Variants in SEPTIN9 observed in about 807,000 individuals in gnomAD.
SEPTIN9 encodes septin-9.
Under a neutral mutation model 56.6 loss-of-function variants are expected in SEPTIN9, and 13 were observed. The ratio of observed to expected loss-of-function variants is 0.23; its 90% CI spans 0.15 to 0.37. The LOEUF (loss-of-function observed/expected upper bound fraction) is 0.37, where lower values mean the gene tolerates loss of function less well. Among genes scored for constraint, SEPTIN9 ranks in the 10% least tolerant of loss-of-function variants. SEPTIN9 has a pLI of 1.00. For missense variants in SEPTIN9, 650 were observed against 823.1 expected, an observed-to-expected ratio of 0.79 and a Z score of 2.57; for synonymous variants, 332 against 334.1, an observed-to-expected ratio of 0.99 and a Z score of 0.07.
rs1162720148 is a variant in SEPTIN9, at chr17:77,313,111, C to A, written c.76+5914C>A. 3.9e-5 allele frequency among the ~76,000 whole-genome samples: 6 copies of A among 152,186 alleles called. No homozygotes were observed. The highest frequency in any genetic ancestry group is 4.4e-5 in the Non-Finnish European group (3 of 68,040). ...AGACACCCGCTCTCGGGGGAGTCTT[C>A]CGTTGGCTGCAGAGAAGCTTAAACT... On this transcript the variant is annotated intron_variant, in intron 2 of 11. Coordinates refer to ENST00000427177, the MANE Select transcript of SEPTIN9 (RefSeq NM_001113491.2). This position sits in a 1 kb window ranked among gnomAD's most constrained non-coding sequence, Gnocchi z 4.5.
intron 3 of SEPTIN9, among the ~76,000 whole-genome samples, chr17:77,412,441 A>G (rs1243761731): frequency 1.3e-5 from 2 of 152,094 alleles, no homozygotes; most frequent in African/African-American, 4.8e-5. Context: ...ATTTTTTAAA[A>G]AGAGTTCTTT....
chr17:77,386,049 C>T (rs577186357), intron 2 of SEPTIN9, among the ~76,000 whole-genome samples: 76 of 152,322 alleles, frequency 5.0e-4, no homozygotes, highest in Non-Finnish European at 7.6e-4. Flanking sequence ...AGGTCATCTG[C>T]CTGGCCCGGG....
intron 2 of SEPTIN9, among the ~76,000 whole-genome samples, chr17:77,388,084 C>A (rs1291237422): frequency 6.6e-6 from 1 of 152,174 alleles, no homozygotes; most frequent in African/African-American, 2.4e-5. Flanking sequence ...AAGTGTGGGG[C>A]CCCCTCGCTG....
intron 2 of SEPTIN9, among the ~76,000 whole-genome samples, chr17:77,383,862 A>T (rs368708615): frequency 6.6e-6 from 1 of 152,258 alleles, no homozygotes; most frequent in Non-Finnish European, 1.5e-5. Context: ...TGGGGGAGTC[A>T]TCAGCCTCTC....
chr17:77,349,082 A>C (rs2033976934), intron 2 of SEPTIN9, among the ~76,000 whole-genome samples: 1 of 151,926 alleles, frequency 6.6e-6, no homozygotes, highest in Admixed American at 6.6e-5. Flanking sequence ...TTTTGCTGTC[A>C]TTCTTTCTTT....
intron 2 of SEPTIN9, among the ~76,000 whole-genome samples, chr17:77,384,789 A>G (rs1317716594): frequency 2.0e-5 from 3 of 151,822 alleles, no homozygotes; most frequent in Non-Finnish European, 2.9e-5. Flanking sequence ...CCTCAGCCAC[A>G]TGGCGCCACA....
At chr17:77,477,601 C>A (rs151173152) in intron 3 of SEPTIN9, among the ~76,000 whole-genome samples, 1,597 of 152,246 alleles carry the variant, frequency 0.01, 23 homozygotes, top group African/African-American at 0.037. Flanking sequence ...GCACTAGGAG[C>A]TGGGGATATC....
chr17:77,368,600 T>C (rs897445706), intron 2 of SEPTIN9, among the ~76,000 whole-genome samples: 4 of 152,144 alleles, frequency 2.6e-5, no homozygotes, highest in African/African-American at 9.7e-5. Flanking sequence ...GCGTGAGCCA[T>C]GGTGGCTGGC....
chr17:77,402,527 A>G lies in SEPTIN9; in HGVS notation c.545A>G (p.Asp182Gly). The change falls in exon 3 of 12, where the codon GAC (aspartate) becomes GGC (glycine). Residue 182 changes from aspartate to glycine, a missense_variant. Coordinates refer to ENST00000427177, the MANE Select transcript of SEPTIN9 (RefSeq NM_001113491.2). The surrounding 1 kb of genome is among the most constrained non-coding windows in gnomAD (Gnocchi z 6.6). ...VPEVPTAPAT[D>G]AAPKRVEIQM... Reference sequence around the variant, plus strand: ...GAGGTGCCCACTGCCCCTGCCACCGACGCAGCCCCCAAGAGGGTGGAGATC... The same window carrying G: ...GAGGTGCCCACTGCCCCTGCCACCGGCGCAGCCCCCAAGAGGGTGGAGATC... 3.1e-6 allele frequency: 5 copies of G among 1,605,998 alleles called. No homozygotes were observed. Among genetic ancestry groups the G allele is most frequent in the Non-Finnish European group, 3.4e-6 (4 of 1,176,814 alleles).
chr17:77,460,725 G>A (rs1027076880), intron 3 of SEPTIN9, among the ~76,000 whole-genome samples: 3 of 152,168 alleles, frequency 2.0e-5, no homozygotes, highest in African/African-American at 7.2e-5. Context: ...GGATGTGGGG[G>A]CCTGCCAGGC....
At chr17:77,393,513 G>T (rs1418876467) in intron 2 of SEPTIN9, among the ~76,000 whole-genome samples, 2 of 152,180 alleles carry the variant, frequency 1.3e-5, no homozygotes, top group African/African-American at 4.8e-5. Context: ...ACACACCCAG[G>T]AGATGGTAAT....
At position 77,487,358 on chromosome 17, in the gene SEPTIN9, C is replaced by A. The variant is rs907128693; in HGVS notation, c.914-66C>A. On this transcript the variant is annotated intron_variant, in intron 4 of 11. Transcript: ENST00000427177. The surrounding 1 kb of genome is among the most constrained non-coding windows in gnomAD (Gnocchi z 4.3). ...GAGCCTCGTGCCTGGGTGGGAGGGG[C>A]CCCATGTGCAGACCCTGCTGGTCTC... 3 of 1,541,316 alleles carry A rather than the reference C, an allele frequency of 1.9e-6. No homozygotes were observed. Among genetic ancestry groups the A allele is most frequent in the Non-Finnish European group, 2.6e-6 (3 of 1,139,152 alleles).
At position 77,491,578 on chromosome 17, in the gene SEPTIN9, C is replaced by T. The variant is rs59454793; in HGVS notation, c.1380+719C>T. Among the ~76,000 whole-genome samples the T allele has an allele frequency of 4.0e-5, 6 of 151,128 alleles. No individual in the cohort carries two copies. The East Asian group carries it at 6.1e-4, about 15-fold the overall frequency. The stretch of plus-strand genomic sequence containing the variant: ...CTGTAATCCCAGCACTTTGGGAGGC[C>T]GAGGCGGGCAGATCACTTGAGGTCA... On this transcript the variant is annotated intron_variant, in intron 8 of 11. Transcript: ENST00000427177.
chr17:77,345,874 A>G (rs1271804254), intron 2 of SEPTIN9, among the ~76,000 whole-genome samples: 1 of 152,174 alleles, frequency 6.6e-6, no homozygotes, highest in Non-Finnish European at 1.5e-5. Flanking sequence ...ATGTATGCAG[A>G]GTTAAGAGGC....
At position 77,453,974 on chromosome 17, in the gene SEPTIN9, C is replaced by T. The variant is rs534779760; in HGVS notation, c.722-28170C>T. On this transcript the variant is annotated intron_variant, in intron 3 of 11. Coordinates refer to ENST00000427177, the MANE Select transcript of SEPTIN9 (RefSeq NM_001113491.2). This position sits in a 1 kb window ranked among gnomAD's most constrained non-coding sequence, Gnocchi z 4.4. Reference sequence around the variant, plus strand: ...GCCTGTCACCACCACCAGCAGCTTCCGTTATCTGGTTCTTCTGTACATGTA... The same window carrying T: ...GCCTGTCACCACCACCAGCAGCTTCTGTTATCTGGTTCTTCTGTACATGTA... 2.0e-5 allele frequency: 17 copies of T among 848,602 alleles called. No individual in the cohort carries two copies. In the Admixed American group the frequency reaches 2.5e-4, roughly 12 times the overall value. 52.6% of individuals were successfully genotyped at this position (848,602 alleles called of 1,614,324 possible).
intron 3 of SEPTIN9, among the ~76,000 whole-genome samples, chr17:77,409,089 A>T (rs560390967): frequency 6.6e-6 from 1 of 152,012 alleles, no homozygotes; most frequent in Admixed American, 6.6e-5. Context: ...GGGATGCCTT[A>T]CTCGGAAGGT....
chr17:77,283,517 C>A (rs976606833), intron 1 of SEPTIN9, among the ~76,000 whole-genome samples: 10 of 42,364 alleles, frequency 2.4e-4, no homozygotes, highest in African/African-American at 4.8e-4. Flanking sequence ...GGCTGACCCC[C>A]CAACAAGCCA....
chr17:77,398,454 C>T (rs1456280108), intron 2 of SEPTIN9, among the ~76,000 whole-genome samples: 2 of 151,950 alleles, frequency 1.3e-5, no homozygotes, highest in African/African-American at 4.8e-5. Flanking sequence ...GCCAGCTCCC[C>T]GGGAAGGGGG....
At chr17:77,493,337 C>A in intron 10 of SEPTIN9, 1 of 509,468 alleles carries the variant, frequency 2.0e-6, no homozygotes. Context: ...TGGGGGCCGC[C>A]AAGTTCTGGA....
Sources: allele counts gnomAD v4.1 joint callset (sites outside exome capture counted in the v4.1 genomes callset), GRCh38; gene constraint gnomAD v4.1.1; non-coding constraint Gnocchi (gnomAD v3.1); transcripts MANE v1.5; gene names NCBI Gene and HGNC (gene_info 2026-07-23, HGNC 2026-07-21).